The following ZFAND3 variants were observed in gnomAD, a reference collection of about 807,000 sequenced individuals.
ZFAND3 encodes the protein zinc finger AN1-type containing 3.
A neutral mutation model predicts 29.6 loss-of-function variants in ZFAND3; 10 were observed. That is an observed-to-expected ratio of 0.34 (90% CI 0.21 to 0.57). ZFAND3 has a LOEUF of 0.57. Among genes scored for constraint, ZFAND3 ranks in the 20% least tolerant of loss-of-function variants. The probability of loss-of-function intolerance (pLI) is 0.86; values close to 1 mark genes in which losing one functional copy is unlikely to be tolerated. For synonymous variants in ZFAND3, 128 were observed against 112.6 expected (o/e 1.14, Z -0.87); for missense variants, 230 against 304.5 (o/e 0.76, Z 1.82).
chr6:38,120,320 C>CTTCTT (rs1765506715), intron 5 of ZFAND3, among the ~76,000 whole-genome samples: 1 of 60,694 alleles, frequency 1.6e-5, no homozygotes, highest in Non-Finnish European at 3.1e-5. Context: ...GCTTGGCTTC[C>CTTCTT]TTTTTTTTTT....
At chr6:37,927,381 T>G (rs535856177) in intron 1 of ZFAND3, among the ~76,000 whole-genome samples, 1 of 152,240 alleles carries the variant, frequency 6.6e-6, no homozygotes, top group African/African-American at 2.4e-5. Flanking sequence ...GGACAAGAGA[T>G]AGTGACCGCA....
intron 2 of ZFAND3, among the ~76,000 whole-genome samples, chr6:38,002,094 A>T (rs1358105743): frequency 6.6e-6 from 1 of 152,180 alleles, no homozygotes; most frequent in Non-Finnish European, 1.5e-5. Flanking sequence ...ATTATAGAAT[A>T]CTCAAGAGAT....
chr6:38,130,755 A>T (rs1765726581), intron 5 of ZFAND3, among the ~76,000 whole-genome samples: 1 of 152,030 alleles, frequency 6.6e-6, no homozygotes, highest in African/African-American at 2.4e-5. Flanking sequence ...TTCATCAGGG[A>T]TATTGGTCTG....
chr6:38,088,355 T>C (rs1764797874), intron 4 of ZFAND3: 2 of 152,156 alleles, frequency 1.3e-5, no homozygotes, highest in Admixed American at 6.6e-5. Context: ...GTTGAACTCA[T>C]GGACATAAAA....
intron 5 of ZFAND3, among the ~76,000 whole-genome samples, chr6:38,132,006 A>G (rs570807222): frequency 1.3e-5 from 2 of 152,336 alleles, no homozygotes; most frequent in East Asian, 1.9e-4. Context: ...AAAGATCCAG[A>G]TAGAGTGTTT....
chr6:37,903,662 C>T (rs1173986265), intron 1 of ZFAND3, among the ~76,000 whole-genome samples: 3 of 152,164 alleles, frequency 2.0e-5, no homozygotes, highest in African/African-American at 7.2e-5. Context: ...TCAAAGTCAT[C>T]AGTGGCAGAG....
intron 2 of ZFAND3, among the ~76,000 whole-genome samples, chr6:38,029,181 T>A (rs1307628220): frequency 6.6e-6 from 1 of 152,220 alleles, no homozygotes; most frequent in Non-Finnish European, 1.5e-5. Flanking sequence ...TTACTCATCT[T>A]ATTTAAATAG....
intron 2 of ZFAND3, among the ~76,000 whole-genome samples, chr6:38,013,670 C>T (rs947272871): frequency 2.6e-5 from 4 of 151,678 alleles, no homozygotes; most frequent in African/African-American, 4.9e-5. Flanking sequence ...TGTGTAGGTG[C>T]CTAAGCCCTG....
At chr6:37,923,785 T>A (rs1761429423) in intron 1 of ZFAND3, among the ~76,000 whole-genome samples, 1 of 152,184 alleles carries the variant, frequency 6.6e-6, no homozygotes, top group Non-Finnish European at 1.5e-5. Flanking sequence ...TGAACTGTCA[T>A]TGATGAAAGT....
chr6:37,833,824 CA>C (rs55733520), intron 1 of ZFAND3, among the ~76,000 whole-genome samples: 1,099 of 68,000 alleles, frequency 0.016, 4 homozygotes, highest in Non-Finnish European at 0.025. Flanking sequence ...GACACTGTCT[CA>C]AAAAAAAAAA....
At chr6:37,875,651 A>G (rs950128598) in intron 1 of ZFAND3, among the ~76,000 whole-genome samples, 95 of 151,024 alleles carry the variant, frequency 6.3e-4, no homozygotes, top group African/African-American at 2.2e-3. Flanking sequence ...TTTTTTTTTA[A>G]ATAGAGATGA....
intron 1 of ZFAND3, among the ~76,000 whole-genome samples, chr6:37,925,763 C>T (rs1450022640): frequency 6.6e-6 from 1 of 151,196 alleles, no homozygotes; most frequent in Non-Finnish European, 1.5e-5. Context: ...GAAGGTGTTT[C>T]CCATTTATAT....
At chr6:38,003,410 T>C (rs1762984998) in intron 2 of ZFAND3, 1 of 156,818 alleles carries the variant, frequency 6.4e-6, no homozygotes, top group African/African-American at 2.4e-5. Context: ...TAGTTTATAA[T>C]AATTAAAACA....
At chr6:38,018,154 C>T (rs1478628579) in intron 2 of ZFAND3, among the ~76,000 whole-genome samples, 3 of 152,064 alleles carry the variant, frequency 2.0e-5, no homozygotes, top group African/African-American at 7.2e-5. Flanking sequence ...AACCTGACTC[C>T]TATTTTTATA....
At chr6:37,832,627 T>C (rs1763883354) in intron 1 of ZFAND3, among the ~76,000 whole-genome samples, 3 of 152,150 alleles carry the variant, frequency 2.0e-5, no homozygotes, top group Non-Finnish European at 4.4e-5. Context: ...ATAGACAGCT[T>C]ATAAGACAGT....
chr6:37,909,708 A>G (rs886714665), intron 1 of ZFAND3, among the ~76,000 whole-genome samples: 7 of 144,204 alleles, frequency 4.9e-5, no homozygotes, highest in Admixed American at 4.4e-4. Context: ...TGCTTATACT[A>G]TAGTTGTGCT....
At chr6:37,987,183 G>T (rs1762685813) in intron 2 of ZFAND3, among the ~76,000 whole-genome samples, 1 of 152,204 alleles carries the variant, frequency 6.6e-6, no homozygotes, top group Admixed American at 6.5e-5. Flanking sequence ...GGAGTTAGAA[G>T]TGAGTGGCCA....
At chr6:37,984,455 A>G (rs1762631338) in intron 2 of ZFAND3, among the ~76,000 whole-genome samples, 1 of 152,230 alleles carries the variant, frequency 6.6e-6, no homozygotes, top group South Asian at 2.1e-4. Context: ...CTTAGCTTTC[A>G]CATTCCCTCA....
chr6:37,925,695 C>T (rs1761471230), intron 1 of ZFAND3, among the ~76,000 whole-genome samples: 1 of 134,972 alleles, frequency 7.4e-6, no homozygotes, highest in Non-Finnish European at 1.6e-5. Context: ...CAGAGCTACA[C>T]TCCATCTCAA....
Sources: gnomAD v4.1 joint callset for allele counts (sites outside exome capture counted in the v4.1 genomes callset) on GRCh38, gnomAD v4.1.1 for gene constraint, MANE v1.5 for transcripts, NCBI Gene and HGNC (gene_info 2026-07-23, HGNC 2026-07-21) for gene names.